The following URI1 variants were observed in gnomAD, a reference collection of about 807,000 sequenced individuals.
The protein encoded by URI1 is unconventional prefoldin RPB5 interactor 1.
Under a neutral mutation model 60.2 loss-of-function variants are expected in URI1, and 39 were observed. The observed-to-expected ratio is 0.65, with a 90% CI of 0.50 to 0.85. URI1 has a LOEUF of 0.85. Ranked by LOEUF, URI1 falls within the 40% of genes least tolerant of loss-of-function variation. URI1 has a pLI of 0.00. For missense variants in URI1, 691 were observed against 665.9 expected, an observed-to-expected ratio of 1.04 and a Z score of -0.42; for synonymous variants, 251 against 236.8, an observed-to-expected ratio of 1.06 and a Z score of -0.55.
intron 1 of URI1, among the ~76,000 whole-genome samples, chr19:29,934,034 C>T (rs1325442709): frequency 6.8e-6 from 1 of 147,410 alleles, no homozygotes; most frequent in East Asian, 2.1e-4. Flanking sequence ...CTCCCAGGTT[C>T]CAGTGATTCT....
At chr19:29,950,443 A>G (rs2055165784) in intron 1 of URI1, among the ~76,000 whole-genome samples, 1 of 152,220 alleles carries the variant, frequency 6.6e-6, no homozygotes, top group Non-Finnish European at 1.5e-5. Flanking sequence ...CCCTTAAACT[A>G]CAACTGTTTA....
chr19:29,945,188 G>A (rs1382339282), intron 1 of URI1, among the ~76,000 whole-genome samples: 1 of 152,194 alleles, frequency 6.6e-6, no homozygotes, highest in Non-Finnish European at 1.5e-5. Flanking sequence ...CTACCTAGTT[G>A]GCTGTAGATG....
At chr19:29,985,421 G>A in intron 3 of URI1, 120 bp downstream of exon 3, 1 of 726,772 alleles carries the variant, frequency 1.4e-6, no homozygotes, top group East Asian at 2.9e-5. Flanking sequence ...TAGCAAGGAA[G>A]ATTTGTTTTG....
rs975696516 is a variant in URI1 at position 29,986,180 on chromosome 19, A to T, written c.232-102A>T. 3.4e-6 allele frequency: 4 copies of T among 1,179,774 alleles called. No individual in the cohort carries two copies. The African/African-American group carries it at 4.8e-5, about 14-fold the overall frequency. The allele number at this position is 1,179,774 out of a possible 1,614,324, so 73.1% of individuals were successfully genotyped here. On this transcript the variant is annotated intron_variant, in intron 3 of 10. Coordinates refer to ENST00000392271, the MANE Select transcript of URI1 (RefSeq NM_003796.3). The stretch of plus-strand genomic sequence containing the variant: ...TTTTATTTTTCCCAATGTATAAATA[A>T]AAAAATTCAGTTATGTAAGGCTTTT...
At chr19:29,949,183 A>G (rs1362463831) in intron 1 of URI1, among the ~76,000 whole-genome samples, 2 of 140,392 alleles carry the variant, frequency 1.4e-5, no homozygotes, top group African/African-American at 2.8e-5. Flanking sequence ...GGGGCTCCTG[A>G]CTTCCCAGAT....
intron 1 of URI1, among the ~76,000 whole-genome samples, chr19:29,935,271 A>G (rs2054959252): frequency 6.6e-6 from 1 of 152,148 alleles, no homozygotes; most frequent in South Asian, 2.1e-4. Context: ...CTTAGTTTTA[A>G]GAGTATACAA....
chr19:29,997,791 C>CTGAG (rs2055830816), intron 4 of URI1, among the ~76,000 whole-genome samples: 1 of 152,072 alleles, frequency 6.6e-6, no homozygotes, highest in Non-Finnish European at 1.5e-5. Context: ...GACAGAGTCT[C>CTGAG]ACTCACTCTG....
chr19:29,997,945 A>G (rs1242491963), intron 4 of URI1, among the ~76,000 whole-genome samples: 1 of 151,938 alleles, frequency 6.6e-6, no homozygotes, highest in East Asian at 1.9e-4. Context: ...TTGTATTTTT[A>G]GTAGAGTCGG....
intron 1 of URI1, among the ~76,000 whole-genome samples, chr19:29,948,398 T>C (rs1485276849): frequency 6.6e-6 from 1 of 152,216 alleles, no homozygotes; most frequent in Non-Finnish European, 1.5e-5. Context: ...ATTAAGGAAA[T>C]TTCCTTATAT....
At chr19:29,931,763 G>A (rs2054919357) in intron 1 of URI1, among the ~76,000 whole-genome samples, 1 of 151,986 alleles carries the variant, frequency 6.6e-6, no homozygotes. Context: ...TATTCTTGAT[G>A]TTACTGTACA....
At chr19:29,950,209 T>G (rs886918518) in intron 1 of URI1, among the ~76,000 whole-genome samples, 4 of 152,222 alleles carry the variant, frequency 2.6e-5, no homozygotes, top group African/African-American at 9.6e-5. Context: ...CCCATTTCAT[T>G]GTTTTAGGCT....
rs578037214 is a variant in URI1 at position 29,989,126 on chromosome 19, T to A, written c.367+2709T>A. On this transcript the variant is annotated intron_variant, in intron 4 of 10. Coordinates refer to ENST00000392271, the MANE Select transcript of URI1 (RefSeq NM_003796.3). ...TATATATGCTTTTTTTTTTTTATTT[T>A]TTGAGATGGAGTCTCACTCTGTCGC... Among the ~76,000 whole-genome samples, 244 of 152,316 alleles carry A rather than the reference T, an allele frequency of 1.6e-3. 1 individual carries two copies. The highest frequency in any genetic ancestry group is 3.4e-3 in the Admixed American group (52 of 15,304).
intron 4 of URI1, among the ~76,000 whole-genome samples, chr19:29,987,462 C>T (rs1199175659): frequency 2.0e-5 from 3 of 152,068 alleles, no homozygotes; most frequent in Non-Finnish European, 2.9e-5. Flanking sequence ...TATTGTTAGG[C>T]CTGTATGTAA....
chr19:29,969,746 A>T (rs1178621524), intron 1 of URI1, among the ~76,000 whole-genome samples: 1 of 152,124 alleles, frequency 6.6e-6, no homozygotes, highest in East Asian at 1.9e-4. Flanking sequence ...TATGAAAAGG[A>T]TTTCATGAGC....
intron 1 of URI1, among the ~76,000 whole-genome samples, chr19:29,969,269 T>C (rs557493931): frequency 5.9e-5 from 9 of 152,248 alleles, no homozygotes; most frequent in Admixed American, 3.3e-4. Context: ...AGGGAGACTG[T>C]TTAAGGGAAG....
intron 1 of URI1, among the ~76,000 whole-genome samples, chr19:29,928,651 T>C (rs549727809): frequency 4.6e-5 from 7 of 152,274 alleles, no homozygotes; most frequent in African/African-American, 1.7e-4. Context: ...GTAGTGGGAA[T>C]AGGATTGCCA....
At chr19:29,943,647 T>TA (rs1364832045) in intron 1 of URI1, among the ~76,000 whole-genome samples, 1 of 152,140 alleles carries the variant, frequency 6.6e-6, no homozygotes, top group African/African-American at 2.4e-5. Flanking sequence ...TACTCAGTTC[T>TA]ACTAGATGGG....
chr19:29,963,380 T>G (rs1037053908), intron 1 of URI1, among the ~76,000 whole-genome samples: 6 of 152,190 alleles, frequency 3.9e-5, no homozygotes, highest in Non-Finnish European at 7.3e-5. Flanking sequence ...CTGTTTAATC[T>G]TCTTTTAATG....
At chr19:29,929,715 C>G (rs2054900018) in intron 1 of URI1, among the ~76,000 whole-genome samples, 1 of 152,142 alleles carries the variant, frequency 6.6e-6, no homozygotes, top group East Asian at 1.9e-4. Flanking sequence ...TATTGAGCAT[C>G]TTTTCATGTG....
Sources: gnomAD v4.1 joint callset for allele counts (sites outside exome capture counted in the v4.1 genomes callset) on GRCh38, gnomAD v4.1.1 for gene constraint, MANE v1.5 for transcripts, NCBI Gene and HGNC (gene_info 2026-07-23, HGNC 2026-07-21) for gene names.